The following PDGFC variants were observed in gnomAD, a reference collection of about 807,000 sequenced individuals.
PDGFC encodes the protein platelet derived growth factor C.
Under a neutral mutation model 35.5 loss-of-function variants are expected in PDGFC, and 12 were observed. That is an observed-to-expected ratio of 0.34 (90% CI 0.22 to 0.55). The LOEUF (loss-of-function observed/expected upper bound fraction) is 0.55, where lower values mean the gene tolerates loss of function less well. Ranked by LOEUF, PDGFC falls within the 20% of genes least tolerant of loss-of-function variation. The pLI, the probability that PDGFC is intolerant of heterozygous loss-of-function variation, is 0.91. For synonymous variants in PDGFC, 159 were observed against 148.8 expected, an observed-to-expected ratio of 1.07 and a Z score of -0.50; for missense variants, 322 against 412.4, an observed-to-expected ratio of 0.78 and a Z score of 1.90.
At position 156,763,189 on chromosome 4, in the gene PDGFC, T is replaced by C; in HGVS notation, c.939A>G (p.Pro313=). The C allele has an allele frequency of 6.3e-7, 1 of 1,599,888 alleles. No homozygotes were observed. Among genetic ancestry groups the C allele is most frequent in the African/African-American group, 1.3e-5 (1 of 74,792 alleles). ...TGTGCAATCCCCTGACACCGGTCTT[T>C]GGTCTCAACTGAAGGACCTGAAAGG... is the stretch of plus-strand genomic sequence containing the variant. The part of the protein sequence containing the change: ...KKYHEVLQLR[P]KTGVRGLHKS... Residue 313 remains proline (P), a synonymous_variant, in exon 6 of 6, where the codon CCA becomes CCG. Transcript: ENST00000502773.
chr4:156,821,329 A>G (rs1732252306), intron 2 of PDGFC, among the ~76,000 whole-genome samples: 2 of 151,996 alleles, frequency 1.3e-5, no homozygotes. Context: ...CCTGGGCTTA[A>G]GCAATTCTTC....
At chr4:156,897,599 G>A (rs1194361824) in intron 1 of PDGFC, among the ~76,000 whole-genome samples, 2 of 151,994 alleles carry the variant, frequency 1.3e-5, no homozygotes, top group Non-Finnish European at 1.5e-5. Context: ...ATTGAAGTAG[G>A]AGAAAATGAG....
chr4:156,862,202 A>G (rs781210866), intron 1 of PDGFC, among the ~76,000 whole-genome samples: 15 of 152,228 alleles, frequency 9.9e-5, no homozygotes, highest in Non-Finnish European at 1.9e-4. Flanking sequence ...GAAATAAAAT[A>G]AATCCTCTGA....
Position 156,762,403 on chromosome 4 carries a change from T to C in PDGFC, c.*687A>G, listed in dbSNP as rs1730400797. 1 of 152,578 alleles carries C rather than the reference T, an allele frequency of 6.6e-6. No individual in the cohort carries two copies. The highest frequency in any genetic ancestry group is 2.4e-5 in the African/African-American group (1 of 41,464). 9.5% of individuals were successfully genotyped at this position (152,578 alleles called of 1,614,324 possible). A position where few individuals can be genotyped will look rare whatever the true frequency, so the allele number is the denominator to read the frequency against. On this transcript the variant is annotated 3_prime_UTR_variant, in exon 6 of 6. Coordinates refer to ENST00000502773, the MANE Select transcript of PDGFC (RefSeq NM_016205.3). ...ACAATGAAACAAATAAACTGACTTATCGATAAAGTGAAGATAAGGCCACTC... is the reference window on the plus strand; with the variant it reads ...ACAATGAAACAAATAAACTGACTTACCGATAAAGTGAAGATAAGGCCACTC...
At chr4:156,886,196 G>A (rs1400659288) in intron 1 of PDGFC, among the ~76,000 whole-genome samples, 1 of 152,134 alleles carries the variant, frequency 6.6e-6, no homozygotes, top group African/African-American at 2.4e-5. Context: ...GAAAGTTGTG[G>A]CAAATTCTTA....
chr4:156,789,902 G>A (rs936370689), intron 3 of PDGFC, among the ~76,000 whole-genome samples: 6 of 150,894 alleles, frequency 4.0e-5, no homozygotes, highest in Admixed American at 6.6e-5. Flanking sequence ...GCGTGAACCC[G>A]GGAGGCGGAG....
Position 156,905,516 on chromosome 4 carries a change from T to G in PDGFC, c.119-55100A>C, listed in dbSNP as rs529960169. On this transcript the variant is annotated intron_variant, in intron 1 of 5. Transcript: ENST00000502773. ...TAAAGTTAACCCAAATAACACAGAG[T>G]TTGAAGTGTTAGAGCCAGGATGCAT... Among the ~76,000 whole-genome samples, 8 of 151,886 alleles carry G rather than the reference T, an allele frequency of 5.3e-5. No homozygotes were observed. In the South Asian group the frequency reaches 1.5e-3, roughly 28 times the overall value.
chr4:156,848,485 C>CA (rs1729377631), intron 2 of PDGFC, among the ~76,000 whole-genome samples: 2 of 151,708 alleles, frequency 1.3e-5, no homozygotes, highest in African/African-American at 4.8e-5. Context: ...GCAGAAGACA[C>CA]AAAAAAGGTT....
chr4:156,877,406 ACATT>A (rs1206203972), intron 1 of PDGFC, among the ~76,000 whole-genome samples: 2 of 152,176 alleles, frequency 1.3e-5, no homozygotes, highest in African/African-American at 4.8e-5. Flanking sequence ...TTTAAGTAGC[ACATT>A]CAAATGACCA....
intron 1 of PDGFC, among the ~76,000 whole-genome samples, chr4:156,932,685 G>C (rs1337898694): frequency 7.2e-6 from 1 of 138,884 alleles, no homozygotes; most frequent in African/African-American, 2.7e-5. Context: ...TCACAGGTGG[G>C]AATTGAACAA....
intron 1 of PDGFC, among the ~76,000 whole-genome samples, chr4:156,964,709 C>A (rs1732424853): frequency 6.6e-6 from 1 of 152,106 alleles, no homozygotes; most frequent in African/African-American, 2.4e-5. Flanking sequence ...AAATGTATCA[C>A]CACATTAGCA....
At chr4:156,873,913 T>C (rs1039119364) in intron 1 of PDGFC, 2 of 152,300 alleles carry the variant, frequency 1.3e-5, no homozygotes, top group African/African-American at 2.4e-5. Context: ...TACATCCCAG[T>C]CCTCCAAAAG....
chr4:156,944,090 GA>G (rs1215316073), intron 1 of PDGFC, among the ~76,000 whole-genome samples: 1 of 152,132 alleles, frequency 6.6e-6, no homozygotes, highest in Non-Finnish European at 1.5e-5. Flanking sequence ...GTGGCTATTA[GA>G]GGCACTGTAA....
chr4:156,777,913 G>T (rs1008231330), intron 3 of PDGFC, among the ~76,000 whole-genome samples: 1 of 151,994 alleles, frequency 6.6e-6, no homozygotes, highest in Admixed American at 6.6e-5. Flanking sequence ...AGACCAGCCT[G>T]GCCAACATAG....
chr4:156,934,561 A>T (rs2110887511), intron 1 of PDGFC, among the ~76,000 whole-genome samples: 1 of 152,306 alleles, frequency 6.6e-6, no homozygotes, highest in South Asian at 2.1e-4. Context: ...TAAATATTTT[A>T]CTTTCTTACA....
chr4:156,782,787 T>G (rs1731018311), intron 3 of PDGFC, among the ~76,000 whole-genome samples: 1 of 152,152 alleles, frequency 6.6e-6, no homozygotes, highest in African/African-American at 2.4e-5. Context: ...TGAAAAGGCT[T>G]CTTCTATTGA....
intron 1 of PDGFC, among the ~76,000 whole-genome samples, chr4:156,862,389 G>A (rs940647630): frequency 1.3e-5 from 2 of 152,128 alleles, no homozygotes; most frequent in African/African-American, 4.8e-5. Flanking sequence ...TCTTGAAGAT[G>A]ATAAAGAGAA....
intron 3 of PDGFC, among the ~76,000 whole-genome samples, chr4:156,784,906 G>A (rs894026514): frequency 1.3e-5 from 2 of 152,104 alleles, no homozygotes; most frequent in African/African-American, 4.8e-5. Context: ...ATAATCAGAA[G>A]TATAATCCAA....
chr4:156,871,454 A>G (rs1729982045), intron 1 of PDGFC, among the ~76,000 whole-genome samples: 1 of 152,106 alleles, frequency 6.6e-6, no homozygotes, highest in Non-Finnish European at 1.5e-5. Context: ...CATACAATCA[A>G]AAAGTTAAAA....
Sources: gnomAD v4.1 joint callset for allele counts (sites outside exome capture counted in the v4.1 genomes callset) on GRCh38, gnomAD v4.1.1 for gene constraint, MANE v1.5 for transcripts, NCBI Gene and HGNC (gene_info 2026-07-23, HGNC 2026-07-21) for gene names.